The following DRC3 variants were observed in gnomAD, a reference collection of about 807,000 sequenced individuals.
DRC3 encodes leucine rich repeat containing 48.
In DRC3, 45 loss-of-function variants were observed where a neutral mutation model predicts 57.6. The observed-to-expected ratio is 0.78, with a 90% CI of 0.62 to 1.00. DRC3 has a LOEUF of 1.00. Among genes scored for constraint, DRC3 ranks in the 50% least tolerant of loss-of-function variants. The pLI is 0.00. For missense variants in DRC3, 655 were observed against 675.2 expected (o/e 0.97, Z 0.33); for synonymous variants, 257 against 272.3 (o/e 0.94, Z 0.55).
intron 5 of DRC3, among the ~76,000 whole-genome samples, chr17:17,990,537 C>T (rs1007919875): frequency 3.3e-5 from 5 of 152,254 alleles, no homozygotes; most frequent in Middle Eastern, 3.2e-3. Context: ...CTCCTCTGCT[C>T]TTCTGCGGCT....
intron 10 of DRC3, chr17:18,005,446 G>A (rs1277243824): frequency 6.6e-6 from 1 of 152,338 alleles, no homozygotes; most frequent in Non-Finnish European, 1.5e-5. Flanking sequence ...TATAGCAGAT[G>A]GGAGTGGGGC....
At chr17:18,016,026 G>T in intron 12 of DRC3, 38 bp from the exon 13 acceptor site, 1 of 1,609,054 alleles carries the variant, frequency 6.2e-7, no homozygotes, top group South Asian at 1.1e-5. Context: ...ACGGTATAAT[G>T]ACACACACTT....
chr17:17,998,881 G>A (rs1014379458), intron 9 of DRC3, among the ~76,000 whole-genome samples: 3 of 152,162 alleles, frequency 2.0e-5, no homozygotes, highest in African/African-American at 2.4e-5. Context: ...AAAACATTTC[G>A]AACATCCTGC....
At chr17:17,991,854 T>C (rs1268255876) in intron 5 of DRC3, among the ~76,000 whole-genome samples, 3 of 152,188 alleles carry the variant, frequency 2.0e-5, no homozygotes, top group African/African-American at 4.8e-5. Context: ...TACAAAGGCA[T>C]GCCTGGCCAG....
At chr17:18,013,932 ATTT>A (rs35745875) in intron 12 of DRC3, among the ~76,000 whole-genome samples, 44 of 135,936 alleles carry the variant, frequency 3.2e-4, no homozygotes, top group African/African-American at 9.2e-4. Context: ...TTTAATGCCA[ATTT>A]TTTTTTTTTT....
chr17:17,994,901 A>G (rs914079529), intron 7 of DRC3, 98 bp from the exon 8 acceptor site: 1 of 771,654 alleles, frequency 1.3e-6, no homozygotes, highest in African/African-American at 1.7e-5. Context: ...CTTTGTCTGG[A>G]ACATGCTCCC....
intron 9 of DRC3, 59 bp from the exon 10 acceptor site, chr17:18,004,304 C>T: frequency 1.3e-6 from 2 of 1,538,670 alleles, no homozygotes; most frequent in Admixed American, 2.0e-5. Flanking sequence ...AAATTGCCAC[C>T]TGCCATTATC....
chr17:17,983,437 T>C (rs1304598489), intron 3 of DRC3, among the ~76,000 whole-genome samples: 2 of 152,210 alleles, frequency 1.3e-5, no homozygotes, highest in Admixed American at 1.3e-4. Flanking sequence ...ATTCTATTTA[T>C]CACACTGTGG....
At position 17,994,407 on chromosome 17, in the gene DRC3, G is replaced by C; in HGVS notation, c.700G>C (p.Glu234Gln). The C allele has an allele frequency of 3.2e-6, 5 of 1,552,576 alleles. No homozygotes were observed. Among genetic ancestry groups the C allele is most frequent in the Non-Finnish European group, 4.4e-6 (5 of 1,147,764 alleles). Reference sequence around the variant, plus strand: ...CGAGCAGGCGCAGCGGGAGGAGCTAGAGAAGCACAAGGTACCGTTCCGGCA... The same window carrying C: ...CGAGCAGGCGCAGCGGGAGGAGCTACAGAAGCACAAGGTACCGTTCCGGCA... ...EDEQAQREEL[E>Q]KHKTAFVEHL... Residue 234 changes from glutamate (E) to glutamine (Q), a missense_variant, in exon 7 of 14, where the codon GAG becomes CAG. By Grantham distance (29) the Glu-to-Gln change is conservative. Transcript: ENST00000399187.
chr17:18,010,504 A>G (rs2044131011), intron 12 of DRC3: 1 of 152,236 alleles, frequency 6.6e-6, no homozygotes, highest in Non-Finnish European at 1.5e-5. Flanking sequence ...GACCTTGAAG[A>G]GCCAAAGCCA....
intron 2 of DRC3, among the ~76,000 whole-genome samples, chr17:17,975,190 C>G (rs970452655): frequency 6.7e-6 from 1 of 150,074 alleles, no homozygotes; most frequent in African/African-American, 2.5e-5. Context: ...AATTAAGAGT[C>G]ATTTCCCAAA....
At chr17:17,993,506 TGAG>T (rs1284093657) in intron 6 of DRC3, 1 of 152,304 alleles carries the variant, frequency 6.6e-6, no homozygotes, top group Non-Finnish European at 1.5e-5. Context: ...GAAAAGAAGT[TGAG>T]GAGGCCCAAG....
At chr17:17,994,214 C>G in intron 6 of DRC3, 85 bp from the exon 7 acceptor site, 1 of 1,508,436 alleles carries the variant, frequency 6.6e-7, no homozygotes, top group South Asian at 1.2e-5. Flanking sequence ...GCGCGGGAGG[C>G]TGCAGCATGG....
At chr17:18,013,260 A>G (rs2044230713) in intron 12 of DRC3, among the ~76,000 whole-genome samples, 1 of 152,218 alleles carries the variant, frequency 6.6e-6, no homozygotes, top group African/African-American at 2.4e-5. Context: ...AAAAACTACA[A>G]ACAGAACTAT....
chr17:18,004,745 C>G (rs2043883166), intron 10 of DRC3: 1 of 462,792 alleles, frequency 2.2e-6, no homozygotes, highest in Admixed American at 3.6e-5. Flanking sequence ...TCCTGGAAGT[C>G]AGTGGGGAGA....
Position 17,997,508 on chromosome 17 carries a change from C to A in DRC3, c.873C>A (p.Gly291=). The change falls in exon 9 of 14, where the codon GGC becomes GGA. Residue 291 remains glycine, a synonymous_variant. Transcript: ENST00000399187. ...TCTGCGTGAATATTTTTGAGTATGGCCTGAAACAGCAGGAGAAGCGGAAAA... is the reference window on the plus strand; with the variant it reads ...TCTGCGTGAATATTTTTGAGTATGGACTGAAACAGCAGGAGAAGCGGAAAA... ...VIICVNIFEY[G]LKQQEKRKTE... 1 of 1,612,774 alleles carries A rather than the reference C, an allele frequency of 6.2e-7. No homozygotes were observed. The highest frequency in any genetic ancestry group is 8.5e-7 in the Non-Finnish European group (1 of 1,179,430).
rs536082679 is a variant in DRC3, at chr17:17,990,998, AT to A, written c.445-1766del. Among the ~76,000 whole-genome samples the A allele has an allele frequency of 1.4e-3, 216 of 152,116 alleles. 2 individuals carry two copies. Among genetic ancestry groups the A allele is most frequent in the African/African-American group, 2.2e-3 (91 of 41,400 alleles). On this transcript the variant is annotated intron_variant, in intron 5 of 13. Transcript: ENST00000399187. Reference sequence around the variant, plus strand: ...AAGAGCAAAACTCCATCTAAAAAAAATAATAATAAATTAAAAAGAAAACATT... The same window carrying A: ...AAGAGCAAAACTCCATCTAAAAAAAAAATAATAAATTAAAAAGAAAACATT...
intron 5 of DRC3, among the ~76,000 whole-genome samples, chr17:17,991,284 CTTTTTTTTTTTT>C (rs751138192): frequency 8.1e-5 from 6 of 74,000 alleles, no homozygotes; most frequent in Admixed American, 2.1e-4. Context: ...TGAAGTATTG[CTTTTTTTTTTTT>C]TTTTTTTTTT....
At chr17:18,002,167 C>G (rs1376466234) in intron 9 of DRC3, among the ~76,000 whole-genome samples, 1 of 148,090 alleles carries the variant, frequency 6.8e-6, no homozygotes, top group Non-Finnish European at 1.5e-5. Context: ...GACTCTGTCT[C>G]AAAGAAAAAA....
Sources: allele counts gnomAD v4.1 joint callset (sites outside exome capture counted in the v4.1 genomes callset), GRCh38; gene constraint gnomAD v4.1.1; transcripts MANE v1.5; gene names NCBI Gene and HGNC (gene_info 2026-07-23, HGNC 2026-07-21).